Variants in SMYD2 observed in about 807,000 individuals in gnomAD.
SMYD2 encodes SET and MYND domain containing 2, also known as N-lysine methyltransferase SMYD2.
A neutral mutation model predicts 59.1 loss-of-function variants in SMYD2; 53 were observed. The ratio of observed to expected loss-of-function variants is 0.90; its 90% CI spans 0.72 to 1.13. The LOEUF (loss-of-function observed/expected upper bound fraction) is 1.13, where lower values mean the gene tolerates loss of function less well. SMYD2 is among the 50% of genes most tolerant of loss of function. The pLI is 0.00. For synonymous variants in SMYD2, 208 were observed against 198.8 expected, an observed-to-expected ratio of 1.05 and a Z score of -0.39; for missense variants, 494 against 544.7, an observed-to-expected ratio of 0.91 and a Z score of 0.93.
chr1:214,321,286 G>A (rs779297365), intron 5 of SMYD2, among the ~76,000 whole-genome samples: 1 of 151,870 alleles, frequency 6.6e-6, no homozygotes, highest in African/African-American at 2.4e-5. Context: ...ACACATACAC[G>A]TAACTATAGA....
intron 2 of SMYD2, among the ~76,000 whole-genome samples, chr1:214,306,197 A>G (rs1250328738): frequency 1.3e-5 from 2 of 152,026 alleles, no homozygotes; most frequent in African/African-American, 4.8e-5. Context: ...GTTGTTCCAT[A>G]CCTGGTGTTG....
chr1:214,294,483 C>A (rs1656692072), intron 1 of SMYD2, among the ~76,000 whole-genome samples: 1 of 152,204 alleles, frequency 6.6e-6, no homozygotes, highest in African/African-American at 2.4e-5. Context: ...GCCTGGCCAA[C>A]ATGGTGAAAC....
chr1:214,313,318 C>T (rs970441660), intron 2 of SMYD2, among the ~76,000 whole-genome samples: 9 of 151,998 alleles, frequency 5.9e-5, no homozygotes, highest in Middle Eastern at 3.4e-3. Context: ...GGTTTTATCA[C>T]GTTGGCCAGG....
intron 1 of SMYD2, among the ~76,000 whole-genome samples, chr1:214,286,958 A>G (rs1043370748): frequency 3.3e-5 from 5 of 151,250 alleles, no homozygotes; most frequent in African/African-American, 1.2e-4. Context: ...CCTGGTGAGT[A>G]GCTGGGATTA....
rs779917625 is a variant in SMYD2, at chr1:214,314,807, G to A, written c.283G>A (p.Val95Ile). 1 of 1,614,088 alleles carries A rather than the reference G, an allele frequency of 6.2e-7. No individual in the cohort carries two copies. Among genetic ancestry groups the A allele is most frequent in the East Asian group, 2.2e-5 (1 of 44,872 alleles). ...MHKLECSPMV[V>I]FGENWNPSET... is the part of the protein sequence containing the mutation. ...CAAGCTGGAATGTTCTCCCATGGTT[G>A]TTTTTGGGGAAAACTGGAATCCCTC... The change falls in exon 3 of 12, where the codon GTT (valine) becomes ATT (isoleucine). Residue 95 changes from valine to isoleucine, a missense_variant. Coordinates refer to ENST00000366957, the MANE Select transcript of SMYD2 (RefSeq NM_020197.3).
intron 1 of SMYD2, among the ~76,000 whole-genome samples, chr1:214,286,374 C>G (rs1479566872): frequency 6.6e-6 from 1 of 152,046 alleles, no homozygotes; most frequent in Non-Finnish European, 1.5e-5. Context: ...CTTGGGTAGG[C>G]TGAGGTGGGA....
chr1:214,311,999 A>G (rs1319423976), intron 2 of SMYD2, among the ~76,000 whole-genome samples: 1 of 152,158 alleles, frequency 6.6e-6, no homozygotes, highest in East Asian at 1.9e-4. Context: ...TCTGCAGCTG[A>G]GGAGGGAGCT....
intron 5 of SMYD2, among the ~76,000 whole-genome samples, chr1:214,320,195 C>G (rs749039542): frequency 1.3e-5 from 2 of 152,116 alleles, no homozygotes; most frequent in Non-Finnish European, 2.9e-5. Flanking sequence ...TTATAAGTTA[C>G]GTTTCACGAC....
chr1:214,318,593 T>C lies in SMYD2; in HGVS notation c.410-266T>C, dbSNP rs200204068. Among the ~76,000 whole-genome samples, 1 of 152,238 alleles carries C rather than the reference T, an allele frequency of 6.6e-6. No homozygotes were observed. Among genetic ancestry groups the C allele is most frequent in the East Asian group, 1.9e-4 (1 of 5,162 alleles). ...TCATTGCTACCCATCCCTGACCTCA[T>C]TGCTAACAGTCAGTCGAAATCTCAC... is the stretch of plus-strand genomic sequence containing the variant. On this transcript the variant is annotated intron_variant, in intron 4 of 11. Transcript: ENST00000366957. The surrounding 1 kb of genome is among the most constrained non-coding windows in gnomAD (Gnocchi z 5.4).
chr1:214,326,547 T>C (rs1657266195), intron 6 of SMYD2, among the ~76,000 whole-genome samples: 1 of 152,088 alleles, frequency 6.6e-6, no homozygotes, highest in African/African-American at 2.4e-5. Flanking sequence ...AGTGCAGAGG[T>C]GGCCCTCCCC....
intron 1 of SMYD2, among the ~76,000 whole-genome samples, chr1:214,282,429 G>C (rs1431980359): frequency 6.6e-6 from 1 of 152,196 alleles, no homozygotes; most frequent in Non-Finnish European, 1.5e-5. Context: ...TGGCATTGGG[G>C]TTAAGTTTAT....
At chr1:214,334,131 T>A in intron 10 of SMYD2, 69 bp from the exon 11 acceptor site, 2 of 1,438,652 alleles carry the variant, frequency 1.4e-6, no homozygotes, top group Non-Finnish European at 1.9e-6. Flanking sequence ...TCCGGCTTAC[T>A]GCACCCAGCC....
At position 214,334,249 on chromosome 1, in the gene SMYD2, C is replaced by G; in HGVS notation, c.1162C>G (p.Leu388Val). 1 of 1,614,030 alleles carries G rather than the reference C, an allele frequency of 6.2e-7. No individual in the cohort carries two copies. The highest frequency in any genetic ancestry group is 8.5e-7 in the Non-Finnish European group (1 of 1,180,034). ...SLNVASMWLKLGRLYMGLEHK... is the reference protein window; with the variant it reads ...SLNVASMWLKVGRLYMGLEHK... Reference sequence around the variant, plus strand: ...CAACGTGGCCTCCATGTGGTTGAAGCTAGGGAGACTCTACATGGGCCTGGA... The same window carrying G: ...CAACGTGGCCTCCATGTGGTTGAAGGTAGGGAGACTCTACATGGGCCTGGA... The change falls in exon 11 of 12, where the codon CTA (leucine) becomes GTA (valine). Residue 388 changes from leucine to valine, a missense_variant. Physicochemically the swap from Leu to Val is conservative, Grantham distance 32 (BLOSUM62 1). Coordinates refer to ENST00000366957, the MANE Select transcript of SMYD2 (RefSeq NM_020197.3).
chr1:214,293,007 CTGTT>C (rs1268212579), intron 1 of SMYD2, among the ~76,000 whole-genome samples: 2 of 136,898 alleles, frequency 1.5e-5, no homozygotes, highest in Admixed American at 7.4e-5. Context: ...TTATCTTTTT[CTGTT>C]TGTGTGTGTG....
intron 1 of SMYD2, among the ~76,000 whole-genome samples, chr1:214,302,134 G>C (rs1015257590): frequency 6.6e-6 from 1 of 152,066 alleles, no homozygotes; most frequent in African/African-American, 2.4e-5. Flanking sequence ...CTGAGGTCAG[G>C]AGTTCGAGAC....
At chr1:214,302,402 C>G (rs902774947) in intron 1 of SMYD2, among the ~76,000 whole-genome samples, 2 of 151,792 alleles carry the variant, frequency 1.3e-5, no homozygotes, top group African/African-American at 4.8e-5. Flanking sequence ...TGAAGGTTTA[C>G]TACCCTTCAG....
At chr1:214,296,798 G>C (rs1185671701) in intron 1 of SMYD2, among the ~76,000 whole-genome samples, 1 of 151,994 alleles carries the variant, frequency 6.6e-6, no homozygotes, top group Admixed American at 6.6e-5. Context: ...AGGGAAGTGG[G>C]AAGAGTAACT....
At chr1:214,324,319 A>G (rs1479045458) in intron 5 of SMYD2, among the ~76,000 whole-genome samples, 1 of 152,196 alleles carries the variant, frequency 6.6e-6, no homozygotes, top group Non-Finnish European at 1.5e-5. Flanking sequence ...AATTGAGATT[A>G]GACTCCAGGT....
chr1:214,334,368 CCTT>C (rs1657404145), intron 11 of SMYD2, 60 bp downstream of exon 11: 2 of 1,425,298 alleles, frequency 1.4e-6, no homozygotes, highest in African/African-American at 2.8e-5. Flanking sequence ...TAGCGCACCT[CCTT>C]CATGCCTCAC....
Sources: gnomAD v4.1 joint callset for allele counts (sites outside exome capture counted in the v4.1 genomes callset) on GRCh38, gnomAD v4.1.1 for gene constraint, Gnocchi (gnomAD v3.1) non-coding constraint, MANE v1.5 for transcripts, NCBI Gene and HGNC (gene_info 2026-07-23, HGNC 2026-07-21) for gene names.